CAB39: variants seen among roughly 807,000 people sequenced by gnomAD.
The protein encoded by CAB39 is calcium-binding protein 39.
Under a neutral mutation model 40.0 loss-of-function variants are expected in CAB39, and 8 were observed. That is an observed-to-expected ratio of 0.20 (90% CI 0.12 to 0.36). CAB39 has a LOEUF of 0.36. Among genes scored for constraint, CAB39 ranks in the 10% least tolerant of loss-of-function variants. The pLI is 1.00. For synonymous variants in CAB39, 156 were observed against 141.6 expected (o/e 1.10, Z -0.72); for missense variants, 270 against 401.1 (o/e 0.67, Z 2.79).
Position 230,713,498 on chromosome 2 carries a change from C to T in CAB39, c.-44+268C>T, listed in dbSNP as rs557112520. 2.9e-3 allele frequency: 442 copies of T among 152,692 alleles called. 1 individual carries two copies. Among genetic ancestry groups the T allele is most frequent in the South Asian group, 0.017 (83 of 4,830 alleles). The allele number at this position is 152,692 out of a possible 1,614,324, so 9.5% of individuals were successfully genotyped here. A position where few individuals can be genotyped will look rare whatever the true frequency, so the allele number is the denominator to read the frequency against. Reference sequence around the variant, plus strand: ...CTGCAGTCCAGGCGCTCCTGCCTCTCCCCCCGTGGTTCTCTGGCGGGGCTG... The same window carrying T: ...CTGCAGTCCAGGCGCTCCTGCCTCTTCCCCCGTGGTTCTCTGGCGGGGCTG... On this transcript the variant is annotated intron_variant, in intron 1 of 8. Transcript: ENST00000258418.
intron 1 of CAB39, among the ~76,000 whole-genome samples, chr2:230,721,600 A>G (rs1242644187): frequency 6.6e-6 from 1 of 152,224 alleles, no homozygotes; most frequent in Non-Finnish European, 1.5e-5. Flanking sequence ...GATAAGTTCC[A>G]CGTAAAGCCG....
At chr2:230,805,057 C>T (rs574560324) in intron 5 of CAB39, among the ~76,000 whole-genome samples, 2 of 148,052 alleles carry the variant, frequency 1.4e-5, no homozygotes, top group African/African-American at 2.6e-5. Flanking sequence ...CCATGGAATA[C>T]TATGCAGCCT....
In CAB39 at chr2:230,777,670, A is replaced by G. The variant is rs1695618150; in HGVS notation, c.115-13202A>G. ...TGATCGCCACCTTGACCACCTCCCAAAGTGCTGGGATTACAGGTGTGAGCC... is the reference window on the plus strand; with the variant it reads ...TGATCGCCACCTTGACCACCTCCCAGAGTGCTGGGATTACAGGTGTGAGCC... On this transcript the variant is annotated intron_variant, in intron 2 of 8. Coordinates refer to ENST00000258418, the MANE Select transcript of CAB39 (RefSeq NM_016289.4). Among the ~76,000 whole-genome samples the G allele has an allele frequency of 2.0e-5, 3 of 151,938 alleles. No homozygotes were observed. In the South Asian group the frequency reaches 6.3e-4, roughly 32 times the overall value.
chr2:230,800,084 G>A (rs1415615692), intron 5 of CAB39, among the ~76,000 whole-genome samples: 3 of 151,876 alleles, frequency 2.0e-5, no homozygotes, highest in Non-Finnish European at 4.4e-5. Flanking sequence ...ATATGCAGAC[G>A]ACCATGCTCA....
intron 1 of CAB39, among the ~76,000 whole-genome samples, chr2:230,736,059 A>T (rs1222765591): frequency 6.6e-6 from 1 of 152,180 alleles, no homozygotes. Context: ...TTACTCATGG[A>T]TAGAAAGTAT....
chr2:230,762,196 C>T (rs1454924358), intron 2 of CAB39, among the ~76,000 whole-genome samples: 1 of 152,142 alleles, frequency 6.6e-6, no homozygotes, highest in Non-Finnish European at 1.5e-5. Flanking sequence ...GTGTGAACCA[C>T]CGTGCCCAGC....
At chr2:230,741,824 A>G (rs1242182255) in intron 1 of CAB39, among the ~76,000 whole-genome samples, 3 of 152,230 alleles carry the variant, frequency 2.0e-5, no homozygotes, top group Non-Finnish European at 4.4e-5. Context: ...TAAAGAATAT[A>G]TTATGCTTCC....
intron 6 of CAB39, 37 bp from the exon 7 acceptor site, chr2:230,814,012 T>TTTTTTTTA: frequency 2.3e-6 from 1 of 428,536 alleles, no homozygotes; most frequent in South Asian, 2.2e-5. Context: ...TTTTTTTTTT[T>TTTTTTTTA]GGCAATAACC....
At chr2:230,738,564 A>G (rs1162467431) in intron 1 of CAB39, among the ~76,000 whole-genome samples, 1 of 152,218 alleles carries the variant, frequency 6.6e-6, no homozygotes, top group Non-Finnish European at 1.5e-5. Flanking sequence ...ATCCTTGGGT[A>G]GAATGTTCTA....
chr2:230,762,151 A>G (rs932318160), intron 2 of CAB39, among the ~76,000 whole-genome samples: 1 of 152,066 alleles, frequency 6.6e-6, no homozygotes, highest in African/African-American at 2.4e-5. Context: ...CAGGTGATCC[A>G]CCAGCCTCAG....
At chr2:230,754,693 A>AT (rs1298882842) in intron 1 of CAB39, among the ~76,000 whole-genome samples, 1 of 151,998 alleles carries the variant, frequency 6.6e-6, no homozygotes, top group African/African-American at 2.4e-5. Context: ...TAATTTTTGT[A>AT]TTTTTAGTAG....
intron 1 of CAB39, among the ~76,000 whole-genome samples, chr2:230,721,451 A>G (rs1171390607): frequency 2.0e-5 from 3 of 152,170 alleles, no homozygotes; most frequent in Non-Finnish European, 4.4e-5. Flanking sequence ...AGAAAAAGCA[A>G]ACTTGCTTAA....
At chr2:230,813,933 G>T in intron 6 of CAB39, 116 bp from the exon 7 acceptor site, 2 of 557,432 alleles carry the variant, frequency 3.6e-6, no homozygotes. Context: ...CCTTCATGGT[G>T]TGAGAAATGT....
intron 1 of CAB39, among the ~76,000 whole-genome samples, chr2:230,735,701 G>A (rs1694777010): frequency 1.3e-5 from 2 of 151,634 alleles, no homozygotes; most frequent in South Asian, 2.1e-4. Context: ...TTTTTATAGA[G>A]ACCAGGTCTC....
intron 1 of CAB39, among the ~76,000 whole-genome samples, chr2:230,745,171 T>C (rs1045858507): frequency 3.9e-5 from 6 of 152,228 alleles, no homozygotes; most frequent in African/African-American, 1.2e-4. Context: ...AGCATAAGAA[T>C]TATTTAATAC....
At chr2:230,814,208 C>A in intron 7 of CAB39, 94 bp downstream of exon 7, 1 of 626,088 alleles carries the variant, frequency 1.6e-6, no homozygotes. Context: ...GGGTCATAGA[C>A]CTTTGGGGGA....
chr2:230,743,581 G>A (rs1358291520), intron 1 of CAB39, among the ~76,000 whole-genome samples: 1 of 152,188 alleles, frequency 6.6e-6, no homozygotes, highest in African/African-American at 2.4e-5. Context: ...ACATAAGGAT[G>A]TAGACCTTAA....
intron 1 of CAB39, among the ~76,000 whole-genome samples, chr2:230,755,916 C>T (rs1695180341): frequency 1.3e-5 from 2 of 152,204 alleles, no homozygotes; most frequent in South Asian, 4.1e-4. Context: ...TGGGCATCTC[C>T]ATACTCTAGG....
At chr2:230,801,141 C>T (rs963965432) in intron 5 of CAB39, among the ~76,000 whole-genome samples, 2 of 152,070 alleles carry the variant, frequency 1.3e-5, no homozygotes, top group African/African-American at 4.8e-5. Context: ...AGGAGAGGCC[C>T]CCCAAAAGAG....
Sources: allele counts gnomAD v4.1 joint callset (sites outside exome capture counted in the v4.1 genomes callset), GRCh38; gene constraint gnomAD v4.1.1; transcripts MANE v1.5; gene names NCBI Gene and HGNC (gene_info 2026-07-23, HGNC 2026-07-21).